Variants in SLC39A11 observed in about 807,000 individuals in gnomAD.
SLC39A11 encodes the protein zinc transporter ZIP11.
Under a neutral mutation model 36.1 loss-of-function variants are expected in SLC39A11, and 33 were observed. That is an observed-to-expected ratio of 0.91 (90% CI 0.69 to 1.22). The LOEUF is 1.22. SLC39A11 is among the 50% of genes most tolerant of loss of function. The pLI is 0.00. For synonymous variants in SLC39A11, 166 were observed against 170.3 expected, an observed-to-expected ratio of 0.97 and a Z score of 0.20; for missense variants, 432 against 430.3, an observed-to-expected ratio of 1.00 and a Z score of -0.03.
chr17:73,033,972 C>T (rs367957696), intron 3 of SLC39A11, among the ~76,000 whole-genome samples: 2 of 152,294 alleles, frequency 1.3e-5, no homozygotes, highest in East Asian at 1.9e-4. Flanking sequence ...GCCTCCAAAA[C>T]TCTAAGAATG....
intron 7 of SLC39A11, among the ~76,000 whole-genome samples, chr17:72,716,555 T>C (rs2073372701): frequency 1.4e-5 from 2 of 143,054 alleles, no homozygotes; most frequent in South Asian, 4.3e-4. Flanking sequence ...CAGACTGAAC[T>C]GAGAGAGTAT....
chr17:72,925,029 A>C (rs2083957891), intron 5 of SLC39A11, among the ~76,000 whole-genome samples: 1 of 149,586 alleles, frequency 6.7e-6, no homozygotes, highest in African/African-American at 2.5e-5. Flanking sequence ...AAAGCCATAG[A>C]GAACAATGGA....
intron 7 of SLC39A11, among the ~76,000 whole-genome samples, chr17:72,720,738 A>G (rs2143573139): frequency 6.6e-6 from 1 of 152,314 alleles, no homozygotes; most frequent in East Asian, 1.9e-4. Flanking sequence ...TATTATTCTC[A>G]TCTTGCAGAT....
intron 4 of SLC39A11, among the ~76,000 whole-genome samples, chr17:72,974,893 G>C (rs1341115756): frequency 1.3e-5 from 2 of 152,222 alleles, no homozygotes; most frequent in South Asian, 4.2e-4. Flanking sequence ...ACAAATACTT[G>C]TCATTGTGTT....
rs2079154578 is a variant in SLC39A11 at position 72,848,566 on chromosome 17, A to C, written c.601+1068T>G. On this transcript the variant is annotated intron_variant, in intron 6 of 9. Coordinates refer to ENST00000255559, the MANE Select transcript of SLC39A11 (RefSeq NM_139177.4). ...GAAACCCCATCTCTACTAAAAATAC[A>C]AAAAATTAGCAAGGCATGGTGGTGC... 2.6e-5 allele frequency among the ~76,000 whole-genome samples: 4 copies of C among 152,122 alleles called. No individual in the cohort carries two copies. In the South Asian group the frequency reaches 6.2e-4, roughly 24 times the overall value.
intron 7 of SLC39A11, among the ~76,000 whole-genome samples, chr17:72,679,307 G>A (rs1483968227): frequency 2.0e-5 from 3 of 152,180 alleles, no homozygotes; most frequent in Non-Finnish European, 2.9e-5. Context: ...AAAGATAAAC[G>A]TTTGCTGTGA....
At chr17:72,910,424 G>A (rs1333436143) in intron 5 of SLC39A11, among the ~76,000 whole-genome samples, 1 of 152,076 alleles carries the variant, frequency 6.6e-6, no homozygotes, top group Non-Finnish European at 1.5e-5. Flanking sequence ...AGAAGTTTGA[G>A]ACCAGCGTGG....
At chr17:73,062,424 T>G (rs1457930544) in intron 3 of SLC39A11, among the ~76,000 whole-genome samples, 1 of 130,418 alleles carries the variant, frequency 7.7e-6, no homozygotes, top group Non-Finnish European at 1.5e-5. Flanking sequence ...ATTGCACCAC[T>G]GCACTCTAGC....
chr17:73,084,992 G>A (rs112399551), intron 2 of SLC39A11, 146 bp from the exon 3 acceptor site: 11 of 788,976 alleles, frequency 1.4e-5, no homozygotes, highest in Admixed American at 2.2e-5. Flanking sequence ...TTTATACCAT[G>A]GGCCAAGAAC....
At chr17:72,920,521 A>G (rs1342509466) in intron 5 of SLC39A11, among the ~76,000 whole-genome samples, 1 of 151,508 alleles carries the variant, frequency 6.6e-6, no homozygotes, top group East Asian at 1.9e-4. Context: ...TAGAAATGCC[A>G]CCTTCTCAGA....
At position 73,048,345 on chromosome 17, in the gene SLC39A11, T is replaced by C. The variant is rs1198365023; in HGVS notation, c.148-16631A>G. Among the ~76,000 whole-genome samples the C allele has an allele frequency of 2.6e-5, 4 of 152,182 alleles. No homozygotes were observed. In the East Asian group the frequency reaches 7.7e-4, roughly 29 times the overall value. ...GGATAATGGCCTCCAGCTCCATCCA[T>C]GTTGCTAGAAAGTACATGATCCCAT... On this transcript the variant is annotated intron_variant, in intron 3 of 9. Transcript: ENST00000255559.
At chr17:73,056,132 G>A (rs1042102548) in intron 3 of SLC39A11, among the ~76,000 whole-genome samples, 1 of 151,970 alleles carries the variant, frequency 6.6e-6, no homozygotes, top group Non-Finnish European at 1.5e-5. Context: ...GAGCCCCGAG[G>A]GTGGTGAATG....
intron 6 of SLC39A11, among the ~76,000 whole-genome samples, chr17:72,754,158 G>C (rs950886548): frequency 4.0e-5 from 6 of 151,410 alleles, no homozygotes; most frequent in Non-Finnish European, 8.8e-5. Context: ...ACCTGGTTGC[G>C]ATTGGAGACT....
At chr17:72,757,784 T>C (rs200487741) in intron 6 of SLC39A11, among the ~76,000 whole-genome samples, 1 of 152,186 alleles carries the variant, frequency 6.6e-6, no homozygotes, top group East Asian at 1.9e-4. Flanking sequence ...TTCTGTTAAA[T>C]ATTCTCACCT....
intron 5 of SLC39A11, among the ~76,000 whole-genome samples, chr17:72,870,023 C>T (rs1391205929): frequency 1.3e-5 from 2 of 150,970 alleles, no homozygotes; most frequent in Non-Finnish European, 3.0e-5. Flanking sequence ...CTTTTTTTTT[C>T]TTCTTCTTCT....
At chr17:72,844,832 A>G (rs9890130) in intron 6 of SLC39A11, among the ~76,000 whole-genome samples, 6,647 of 152,244 alleles carry the variant, frequency 0.044, 450 homozygotes, top group African/African-American at 0.15. Context: ...ATCAAAAAAC[A>G]AATTCCTGAT....
At chr17:72,719,606 C>T (rs2073567361) in intron 7 of SLC39A11, among the ~76,000 whole-genome samples, 1 of 152,194 alleles carries the variant, frequency 6.6e-6, no homozygotes, top group African/African-American at 2.4e-5. Context: ...ACGGACAGGG[C>T]AGCAGTGGGA....
At chr17:72,742,381 T>C (rs2074750508) in intron 6 of SLC39A11, among the ~76,000 whole-genome samples, 2 of 152,140 alleles carry the variant, frequency 1.3e-5, no homozygotes, top group Non-Finnish European at 2.9e-5. Flanking sequence ...GAATATGAAC[T>C]TCGAGAACAT....
chr17:72,809,320 C>T (rs1046450408), intron 6 of SLC39A11, among the ~76,000 whole-genome samples: 2 of 151,944 alleles, frequency 1.3e-5, no homozygotes, highest in Admixed American at 1.3e-4. Flanking sequence ...AAATTTTTCT[C>T]CTGCCGTGGT....
Sources: allele counts gnomAD v4.1 joint callset (sites outside exome capture counted in the v4.1 genomes callset), GRCh38; gene constraint gnomAD v4.1.1; transcripts MANE v1.5; gene names NCBI Gene and HGNC (gene_info 2026-07-23, HGNC 2026-07-21).